Variants in CADPS2 observed in about 807,000 individuals in gnomAD.
CADPS2 encodes calcium dependent secretion activator 2.
In CADPS2, 93 loss-of-function variants were observed where a neutral mutation model predicts 172.5. The ratio of observed to expected loss-of-function variants is 0.54; its 90% CI spans 0.46 to 0.64. The LOEUF (loss-of-function observed/expected upper bound fraction) is 0.64. Ranked by LOEUF, CADPS2 falls within the 30% of genes least tolerant of loss-of-function variation. The probability of loss-of-function intolerance (pLI) is 0.00; values close to 1 mark genes in which losing one functional copy is unlikely to be tolerated. For missense variants in CADPS2, 1,420 were observed against 1,565.9 expected (o/e 0.91, Z 1.57); for synonymous variants, 546 against 555.2 (o/e 0.98, Z 0.23).
intron 12 of CADPS2, chr7:122,480,221 A>G: frequency 2.2e-6 from 1 of 449,324 alleles, no homozygotes; most frequent in South Asian, 1.6e-5. Flanking sequence ...AGATTTGCTT[A>G]TTAGAGAAAT....
intron 25 of CADPS2, among the ~76,000 whole-genome samples, chr7:122,376,850 A>G (rs1006738540): frequency 6.6e-6 from 1 of 152,156 alleles, no homozygotes; most frequent in Non-Finnish European, 1.5e-5. Context: ...CTCATCTTGT[A>G]TATATTAAGC....
At chr7:122,493,458 ACTG>A (rs1454007612) in intron 9 of CADPS2, among the ~76,000 whole-genome samples, 6 of 152,194 alleles carry the variant, frequency 3.9e-5, no homozygotes, top group African/African-American at 1.2e-4. Context: ...CATGTTAGAG[ACTG>A]CTAAGTTGCA....
chr7:122,860,979 A>G (rs1816814620), intron 1 of CADPS2, among the ~76,000 whole-genome samples: 1 of 152,212 alleles, frequency 6.6e-6, no homozygotes, highest in African/African-American at 2.4e-5. Context: ...TATATATACC[A>G]TATTTGCTTT....
At chr7:122,591,297 T>G (rs1016658973) in intron 6 of CADPS2, among the ~76,000 whole-genome samples, 1 of 152,056 alleles carries the variant, frequency 6.6e-6, no homozygotes, top group Non-Finnish European at 1.5e-5. Flanking sequence ...AAGGAACTCT[T>G]CAAAGAGAAC....
At chr7:122,735,704 C>T (rs1211849676) in intron 2 of CADPS2, among the ~76,000 whole-genome samples, 1 of 152,130 alleles carries the variant, frequency 6.6e-6, no homozygotes, top group Non-Finnish European at 1.5e-5. Flanking sequence ...TGCAGCAGTG[C>T]ATTTATCAAA....
chr7:122,525,756 C>T (rs774669810), intron 8 of CADPS2, among the ~76,000 whole-genome samples: 3 of 152,062 alleles, frequency 2.0e-5, no homozygotes, highest in Non-Finnish European at 4.4e-5. Flanking sequence ...CTGGACCATA[C>T]GGTTGAGTTA....
At position 122,722,294 on chromosome 7, in the gene CADPS2, C is replaced by T. The variant is rs529131719; in HGVS notation, c.453+14661G>A. ...ACATGATTGTATATCTAGAAAACCC[C>T]ATCGTCTCAGCCCAAAATCTCCTTA... is the stretch of plus-strand genomic sequence containing the variant. On this transcript the variant is annotated intron_variant, in intron 2 of 29. Coordinates refer to ENST00000449022, the MANE Select transcript of CADPS2 (RefSeq NM_017954.11). Among the ~76,000 whole-genome samples, 183 of 152,090 alleles carry T rather than the reference C, an allele frequency of 1.2e-3. 2 individuals are homozygous for T. In the South Asian group the frequency reaches 0.038, roughly 32 times the overall value.
chr7:122,461,626 C>T (rs866456515), intron 14 of CADPS2, among the ~76,000 whole-genome samples: 4 of 151,976 alleles, frequency 2.6e-5, no homozygotes, highest in Middle Eastern at 3.4e-3. Flanking sequence ...GATGGAGTCT[C>T]GCTCTGTCAC....
intron 1 of CADPS2, among the ~76,000 whole-genome samples, chr7:122,813,652 C>A (rs1398259446): frequency 6.6e-6 from 1 of 152,064 alleles, no homozygotes; most frequent in Non-Finnish European, 1.5e-5. Flanking sequence ...TGCAAAGGGG[C>A]ATTCTGACAA....
chr7:122,804,940 T>C (rs760897321), intron 1 of CADPS2, among the ~76,000 whole-genome samples: 20 of 152,194 alleles, frequency 1.3e-4, no homozygotes, highest in Non-Finnish European at 1.9e-4. Flanking sequence ...GATTGGTAAA[T>C]AGAATTCTTA....
chr7:122,810,521 T>A (rs1799793227), intron 1 of CADPS2, among the ~76,000 whole-genome samples: 1 of 152,158 alleles, frequency 6.6e-6, no homozygotes, highest in African/African-American at 2.4e-5. Flanking sequence ...GTAAAAAGAA[T>A]CACCTTAAGT....
intron 1 of CADPS2, among the ~76,000 whole-genome samples, chr7:122,748,125 T>C (rs2092795428): frequency 2.0e-5 from 3 of 152,162 alleles, no homozygotes; most frequent in Middle Eastern, 3.2e-3. Flanking sequence ...CTATTACTTT[T>C]TGAAGAATAT....
chr7:122,587,391 T>C (rs1260020275), intron 6 of CADPS2, among the ~76,000 whole-genome samples: 1 of 152,098 alleles, frequency 6.6e-6, no homozygotes, highest in African/African-American at 2.4e-5. Context: ...TTGAATTAGT[T>C]TGCTGAGGAT....
At chr7:122,341,675 C>T (rs1464044420) in intron 28 of CADPS2, among the ~76,000 whole-genome samples, 2 of 152,124 alleles carry the variant, frequency 1.3e-5, no homozygotes, top group Non-Finnish European at 2.9e-5. Context: ...AAGTTTGACT[C>T]AACAATCCAC....
chr7:122,598,885 A>G (rs1772146472), intron 6 of CADPS2, among the ~76,000 whole-genome samples: 2 of 152,090 alleles, frequency 1.3e-5, no homozygotes, highest in Admixed American at 1.3e-4. Context: ...GGGGGAGCAG[A>G]TAAAAAGAGA....
intron 1 of CADPS2, among the ~76,000 whole-genome samples, chr7:122,789,920 C>T (rs1057401984): frequency 6.6e-6 from 1 of 151,844 alleles, no homozygotes; most frequent in Non-Finnish European, 1.5e-5. Context: ...ATAAAAATAC[C>T]CCTCATCCAT....
At chr7:122,805,304 C>A (rs556264001) in intron 1 of CADPS2, among the ~76,000 whole-genome samples, 1 of 152,106 alleles carries the variant, frequency 6.6e-6, no homozygotes, top group Non-Finnish European at 1.5e-5. Context: ...GGACTACAGG[C>A]ACTTGCCACC....
chr7:122,481,169 T>TTG (rs1563462629), intron 11 of CADPS2, among the ~76,000 whole-genome samples: 1 of 145,416 alleles, frequency 6.9e-6, no homozygotes, highest in African/African-American at 2.5e-5. Context: ...ATTCTTTTTT[T>TTG]TTTTTTTTTT....
intron 7 of CADPS2, among the ~76,000 whole-genome samples, chr7:122,572,498 C>T (rs971951800): frequency 1.3e-5 from 2 of 152,040 alleles, no homozygotes; most frequent in East Asian, 1.9e-4. Context: ...GTTTTTATAG[C>T]AAAATTTCTA....
Sources: gnomAD v4.1 joint callset for allele counts (sites outside exome capture counted in the v4.1 genomes callset) on GRCh38, gnomAD v4.1.1 for gene constraint, MANE v1.5 for transcripts, NCBI Gene and HGNC (gene_info 2026-07-23, HGNC 2026-07-21) for gene names.